MRTFB: variants seen among roughly 807,000 people sequenced by gnomAD.
MRTFB encodes the protein myocardin related transcription factor B, also known as myocardin-related transcription factor B.
A neutral mutation model predicts 104.2 loss-of-function variants in MRTFB; 29 were observed. The ratio of observed to expected loss-of-function variants is 0.28; its 90% CI spans 0.21 to 0.38. The LOEUF (loss-of-function observed/expected upper bound fraction) is 0.38, where lower values mean the gene tolerates loss of function less well. Ranked by LOEUF, MRTFB falls within the 10% of genes least tolerant of loss-of-function variation. MRTFB has a pLI of 1.00. For synonymous variants in MRTFB, 535 were observed against 519.5 expected (o/e 1.03, Z -0.41); for missense variants, 1,270 against 1,341.6 (o/e 0.95, Z 0.83).
intron 8 of MRTFB, among the ~76,000 whole-genome samples, chr16:14,220,677 G>C (rs1042272303): frequency 6.6e-6 from 1 of 152,136 alleles, no homozygotes; most frequent in Non-Finnish European, 1.5e-5. Flanking sequence ...ATTAAGCCTT[G>C]GGTCATTCCT....
intron 3 of MRTFB, among the ~76,000 whole-genome samples, chr16:14,147,049 T>A (rs1215825669): frequency 1.3e-5 from 2 of 152,238 alleles, no homozygotes; most frequent in Non-Finnish European, 2.9e-5. Flanking sequence ...TAAAATCTTG[T>A]CGTTGGCTTT....
chr16:14,234,070 T>A, intron 8 of MRTFB, 76 bp from the exon 9 acceptor site: 1 of 1,554,324 alleles, frequency 6.4e-7, no homozygotes, highest in Admixed American at 1.8e-5. Context: ...ACCAGGTCAT[T>A]CCCTTGTAAT....
chr16:14,252,080 C>G (rs1249494466), intron 14 of MRTFB, 57 bp downstream of exon 14: 26 of 1,575,540 alleles, frequency 1.7e-5, no homozygotes, highest in Non-Finnish European at 2.3e-5. Context: ...CAAATCATTC[C>G]AAAGCCTAGT....
the MRTFB span, among the ~76,000 whole-genome samples, chr16:14,003,474 A>G: frequency 3.9e-5 from 6 of 152,038 alleles, no homozygotes; most frequent in African/African-American, 9.7e-5. Flanking sequence ...GCCCCCAGGC[A>G]GTTTGCTGCT....
chr16:14,123,629 A>G (rs2142320584), intron 2 of MRTFB, among the ~76,000 whole-genome samples: 1 of 152,158 alleles, frequency 6.6e-6, no homozygotes, highest in East Asian at 1.9e-4. Context: ...ATTGGTCTAT[A>G]TATCTGTTTT....
chr16:14,197,473 C>G (rs1053219348), intron 3 of MRTFB, among the ~76,000 whole-genome samples: 1 of 152,144 alleles, frequency 6.6e-6, no homozygotes, highest in African/African-American at 2.4e-5. Context: ...ACTCCAAATT[C>G]CCGCAATGAA....
At chr16:14,115,753 G>C (rs2036512216) in intron 2 of MRTFB, among the ~76,000 whole-genome samples, 1 of 152,174 alleles carries the variant, frequency 6.6e-6, no homozygotes, top group Non-Finnish European at 1.5e-5. Context: ...GTCAGGTTGG[G>C]CCACAGGTGA....
chr16:14,092,327 G>A (rs953331818), intron 2 of MRTFB, among the ~76,000 whole-genome samples: 1 of 152,166 alleles, frequency 6.6e-6, no homozygotes, highest in African/African-American at 2.4e-5. Flanking sequence ...ATGAATGAAT[G>A]CAGGTGACCA....
the MRTFB span, among the ~76,000 whole-genome samples, chr16:14,053,396 G>A: frequency 1.3e-5 from 2 of 152,078 alleles, no homozygotes; most frequent in African/African-American, 4.8e-5. Flanking sequence ...TGATGTAGCC[G>A]AGGCAACATA....
At chr16:14,083,002 T>G (rs866510712) in intron 2 of MRTFB, among the ~76,000 whole-genome samples, 4 of 152,174 alleles carry the variant, frequency 2.6e-5, no homozygotes, top group African/African-American at 9.7e-5. Context: ...GGGATATCTT[T>G]CCATTTATTT....
At chr16:14,260,509 A>G (rs1278158543) in intron 16 of MRTFB, among the ~76,000 whole-genome samples, 2 of 152,198 alleles carry the variant, frequency 1.3e-5, no homozygotes, top group African/African-American at 2.4e-5. Context: ...TATGAGCCCT[A>G]TCTTAAAACT....
At chr16:14,051,355 A>G in the MRTFB span, among the ~76,000 whole-genome samples, 1 of 152,088 alleles carries the variant, frequency 6.6e-6, no homozygotes, top group Non-Finnish European at 1.5e-5. Context: ...ACATGCATAC[A>G]TACCTATAGG....
At chr16:14,119,016 T>C (rs915466791) in intron 2 of MRTFB, among the ~76,000 whole-genome samples, 3 of 152,208 alleles carry the variant, frequency 2.0e-5, no homozygotes, top group Non-Finnish European at 2.9e-5. Flanking sequence ...TTTTCAACAT[T>C]GTGGTATGTG....
At chr16:14,072,281 A>C (rs1463924462) in intron 1 of MRTFB, among the ~76,000 whole-genome samples, 1 of 152,172 alleles carries the variant, frequency 6.6e-6, no homozygotes, top group Non-Finnish European at 1.5e-5. Flanking sequence ...ACCTCCCTAC[A>C]CACATCCTTG....
intron 2 of MRTFB, among the ~76,000 whole-genome samples, chr16:14,133,033 A>G (rs1237281268): frequency 1.3e-5 from 2 of 152,274 alleles, no homozygotes; most frequent in East Asian, 3.8e-4. Context: ...ATACTACAAT[A>G]TATCAGGTAT....
intron 2 of MRTFB, among the ~76,000 whole-genome samples, chr16:14,122,939 C>G (rs1596957020): frequency 1.3e-5 from 2 of 152,224 alleles, no homozygotes; most frequent in African/African-American, 4.8e-5. Flanking sequence ...TCTCCACATC[C>G]TCTCCAGCAT....
the MRTFB span, among the ~76,000 whole-genome samples, chr16:14,046,789 A>G: frequency 6.6e-6 from 1 of 152,252 alleles, no homozygotes; most frequent in African/African-American, 2.4e-5. Context: ...AAGCACACAG[A>G]GAAGGAATCC....
chr16:14,113,826 C>T (rs1227535470), intron 2 of MRTFB, among the ~76,000 whole-genome samples: 4 of 152,114 alleles, frequency 2.6e-5, no homozygotes, highest in Admixed American at 2.6e-4. Flanking sequence ...TTGCCCTCTC[C>T]CTACATCAAG....
chr16:14,195,581 T>A, intron 3 of MRTFB: 1 of 985,368 alleles, frequency 1.0e-6, no homozygotes, highest in African/African-American at 1.7e-5. Flanking sequence ...GTGCTTACTA[T>A]TCTGGGAAAA....
Sources: allele counts gnomAD v4.1 joint callset (sites outside exome capture counted in the v4.1 genomes callset), GRCh38; gene constraint gnomAD v4.1.1; transcripts MANE v1.5; gene names NCBI Gene and HGNC (gene_info 2026-07-23, HGNC 2026-07-21).